The following MAGI2 variants were observed in gnomAD, a reference collection of about 807,000 sequenced individuals.
The protein encoded by MAGI2 is membrane associated guanylate kinase, WW and PDZ domain containing 2, also known as membrane-associated guanylate kinase, WW and PDZ domain-containing protein 2.
A neutral mutation model predicts 133.3 loss-of-function variants in MAGI2; 35 were observed. The ratio of observed to expected loss-of-function variants is 0.26; its 90% CI spans 0.20 to 0.35. The LOEUF is 0.35. Among genes scored for constraint, MAGI2 ranks in the 10% least tolerant of loss-of-function variants. MAGI2 has a pLI of 1.00. For missense variants in MAGI2, 1,636 were observed against 1,863.4 expected (o/e 0.88, Z 2.25); for synonymous variants, 729 against 710.6 (o/e 1.03, Z -0.41).
Position 78,690,072 on chromosome 7 carries a change from CT to C in MAGI2, c.419-62834del, listed in dbSNP as rs1003497789. ...AATAAGAACTTTTCCTCTATCAAAA[CT>C]TTCATTTGGCTTTAGACCATTTTCT... On this transcript the variant is annotated intron_variant, in intron 2 of 21. Coordinates refer to ENST00000354212, the MANE Select transcript of MAGI2 (RefSeq NM_012301.4). Among the ~76,000 whole-genome samples the C allele has an allele frequency of 2.1e-3, 324 of 152,192 alleles. 1 individual carries two copies. The highest frequency in any genetic ancestry group is 7.5e-3 in the African/African-American group (310 of 41,524).
At chr7:78,656,495 G>C (rs552954033) in intron 2 of MAGI2, among the ~76,000 whole-genome samples, 1 of 152,090 alleles carries the variant, frequency 6.6e-6, no homozygotes, top group Non-Finnish European at 1.5e-5. Flanking sequence ...CACAGAAACA[G>C]AGAGTAGAAC....
intron 2 of MAGI2, among the ~76,000 whole-genome samples, chr7:78,743,566 T>C (rs1488799338): frequency 6.6e-6 from 1 of 152,214 alleles, no homozygotes; most frequent in Non-Finnish European, 1.5e-5. Flanking sequence ...CCATTTCTTC[T>C]ACTGGACTGT....
chr7:79,294,939 C>T (rs1836812374), intron 1 of MAGI2, among the ~76,000 whole-genome samples: 1 of 151,086 alleles, frequency 6.6e-6, no homozygotes, highest in Non-Finnish European at 1.5e-5. Flanking sequence ...GGGGTTTCAC[C>T]GTGTTAGCCA....
intron 4 of MAGI2, among the ~76,000 whole-genome samples, chr7:78,509,887 T>C (rs951351869): frequency 3.9e-5 from 6 of 152,218 alleles, no homozygotes; most frequent in African/African-American, 1.4e-4. Context: ...AATTGATTTG[T>C]TTTTAAGGTA....
chr7:79,438,153 C>G (rs1261984226), intron 1 of MAGI2, among the ~76,000 whole-genome samples: 1 of 152,068 alleles, frequency 6.6e-6, no homozygotes, highest in Non-Finnish European at 1.5e-5. Flanking sequence ...TCCAACAATC[C>G]TGTGAGCTCT....
intron 6 of MAGI2, among the ~76,000 whole-genome samples, chr7:78,415,851 G>T (rs1371002599): frequency 6.6e-6 from 1 of 152,164 alleles, no homozygotes; most frequent in Non-Finnish European, 1.5e-5. Flanking sequence ...AATTTTAAAT[G>T]CTGTTAGATT....
rs55707442 is a variant in MAGI2, at chr7:78,527,006, C to CAA, written c.539-5363_539-5362dup. 5.4e-3 allele frequency among the ~76,000 whole-genome samples: 243 copies of CAA among 45,374 alleles called. 18 individuals are homozygous for CAA. The highest frequency in any genetic ancestry group is 9.4e-3 in the African/African-American group (137 of 14,610). The allele number at this position is 45,374 out of a possible 152,430, so 29.8% of individuals were successfully genotyped here. A position where few individuals can be genotyped will look rare whatever the true frequency, so the allele number is the denominator to read the frequency against. Reference sequence around the variant, plus strand: ...ATGGTGACAGGGCAAGACTCCATCTCAAAAAAAAAAAAAAAAAAAAAAAAA... The same window carrying CAA: ...ATGGTGACAGGGCAAGACTCCATCTCAAAAAAAAAAAAAAAAAAAAAAAAAAA... On this transcript the variant is annotated intron_variant, in intron 3 of 21. Coordinates refer to ENST00000354212, the MANE Select transcript of MAGI2 (RefSeq NM_012301.4).
At chr7:78,868,845 C>G (rs1487333529) in intron 2 of MAGI2, among the ~76,000 whole-genome samples, 1 of 152,024 alleles carries the variant, frequency 6.6e-6, no homozygotes, top group African/African-American at 2.4e-5. Context: ...GCTCCGCCTC[C>G]CGGGTTCACA....
rs933977254 is a variant in MAGI2, at chr7:78,549,427, A to G, written c.539-27782T>C. 2.6e-5 allele frequency among the ~76,000 whole-genome samples: 4 copies of G among 151,902 alleles called. No homozygotes were observed. The East Asian group carries it at 7.7e-4, about 29-fold the overall frequency. On this transcript the variant is annotated intron_variant, in intron 3 of 21. Coordinates refer to ENST00000354212, the MANE Select transcript of MAGI2 (RefSeq NM_012301.4). Reference sequence around the variant, plus strand: ...TCTAGATAAGAATTATAAAAACCCAATCATAAAATCACCCGATTCCTCACA... The same window carrying G: ...TCTAGATAAGAATTATAAAAACCCAGTCATAAAATCACCCGATTCCTCACA...
chr7:78,017,580 T>A lies in MAGI2; in HGVS notation c.*1735A>T, dbSNP rs761832676. The A allele has an allele frequency of 6.6e-6, 1 of 152,642 alleles. No homozygotes were observed. Among genetic ancestry groups the A allele is most frequent in the Non-Finnish European group, 1.5e-5 (1 of 68,044 alleles). The allele number at this position is 152,642 out of a possible 1,614,324, so 9.5% of individuals were successfully genotyped here. On this transcript the variant is annotated 3_prime_UTR_variant, in exon 22 of 22. Coordinates refer to ENST00000354212, the MANE Select transcript of MAGI2 (RefSeq NM_012301.4). ...AATTGAGATTAAACCAAAAGCATTA[T>A]AAACTGCTACAAGTGTTTGTGCTTT...
chr7:79,120,554 A>G (rs1334684747), intron 1 of MAGI2, among the ~76,000 whole-genome samples: 2 of 152,054 alleles, frequency 1.3e-5, no homozygotes, highest in Non-Finnish European at 2.9e-5. Context: ...CAAATATTTT[A>G]AATAAGCCAC....
chr7:78,352,978 A>G (rs537768609), intron 7 of MAGI2: 76 of 152,312 alleles, frequency 5.0e-4, no homozygotes, highest in African/African-American at 1.6e-3. Context: ...TACAAGGTAC[A>G]TAGATTCAAC....
At chr7:78,399,471 G>A (rs1204727600) in intron 6 of MAGI2, among the ~76,000 whole-genome samples, 1 of 152,160 alleles carries the variant, frequency 6.6e-6, no homozygotes, top group Non-Finnish European at 1.5e-5. Context: ...AGCACTATTT[G>A]CATCAGTCGA....
intron 1 of MAGI2, among the ~76,000 whole-genome samples, chr7:79,276,754 A>G (rs899372155): frequency 1.3e-5 from 2 of 152,192 alleles, no homozygotes; most frequent in African/African-American, 4.8e-5. Context: ...GCTTGAGCCC[A>G]GAAGTTCAAG....
chr7:78,634,335 C>A (rs1809393706), intron 2 of MAGI2, among the ~76,000 whole-genome samples: 1 of 152,168 alleles, frequency 6.6e-6, no homozygotes, highest in Non-Finnish European at 1.5e-5. Context: ...AAAGTGCTCA[C>A]AAAACCTGAT....
intron 1 of MAGI2, among the ~76,000 whole-genome samples, chr7:79,443,707 A>G (rs139080467): frequency 4.6e-4 from 70 of 152,350 alleles, no homozygotes; most frequent in Non-Finnish European, 6.9e-4. Context: ...GACAATGTAA[A>G]GTATAAACAG....
intron 15 of MAGI2, among the ~76,000 whole-genome samples, chr7:78,165,448 T>C (rs1230126473): frequency 2.0e-5 from 3 of 152,252 alleles, no homozygotes; most frequent in Non-Finnish European, 4.4e-5. Context: ...TCTCTCATAA[T>C]GAACGTGTTC....
rs368521461 is a variant in MAGI2 at position 79,349,122 on chromosome 7, G to A, written c.301+103898C>T. On this transcript the variant is annotated intron_variant, in intron 1 of 21. Coordinates refer to ENST00000354212, the MANE Select transcript of MAGI2 (RefSeq NM_012301.4). ...TTAAGGTTTTATGGATTTATAAAAC[G>A]TAACAGTGTGTTCATAATTTGTTGA... 5.3e-4 allele frequency among the ~76,000 whole-genome samples: 80 copies of A among 152,000 alleles called. No individual in the cohort carries two copies. The East Asian group carries it at 9.9e-3, about 19-fold the overall frequency.
At chr7:79,341,986 C>T (rs938728096) in intron 1 of MAGI2, among the ~76,000 whole-genome samples, 1 of 152,150 alleles carries the variant, frequency 6.6e-6, no homozygotes. Flanking sequence ...CACTTGTTTT[C>T]ACTGTCTAGT....
Sources: allele counts gnomAD v4.1 joint callset (sites outside exome capture counted in the v4.1 genomes callset), GRCh38; gene constraint gnomAD v4.1.1; transcripts MANE v1.5; gene names NCBI Gene and HGNC (gene_info 2026-07-23, HGNC 2026-07-21).